The following PHACTR2 variants were observed in gnomAD, a reference collection of about 807,000 sequenced individuals.
PHACTR2 encodes the protein phosphatase and actin regulator 2.
In PHACTR2, 30 loss-of-function variants were observed where a neutral mutation model predicts 76.0. The observed-to-expected ratio is 0.39, with a 90% CI of 0.30 to 0.54. The LOEUF (loss-of-function observed/expected upper bound fraction) is 0.54. PHACTR2 is among the 20% of genes least tolerant of loss of function. PHACTR2 has a pLI of 0.61. For synonymous variants in PHACTR2, 292 were observed against 292.5 expected, an observed-to-expected ratio of 1.00 and a Z score of 0.02; for missense variants, 696 against 781.1, an observed-to-expected ratio of 0.89 and a Z score of 1.30.
At chr6:143,622,959 G>C (rs566274025) in intron 1 of PHACTR2, among the ~76,000 whole-genome samples, 1 of 152,156 alleles carries the variant, frequency 6.6e-6, no homozygotes, top group African/African-American at 2.4e-5. Flanking sequence ...CTAAGTTGAG[G>C]AGTACAAAGA....
Position 143,783,109 on chromosome 6 carries a change from G to GTGTT in PHACTR2, c.1646-107_1646-104dup. On this transcript the variant is annotated intron_variant, in intron 9 of 12. Coordinates refer to ENST00000440869, the MANE Select transcript of PHACTR2 (RefSeq NM_001100164.2). This position sits in a 1 kb window ranked among gnomAD's most constrained non-coding sequence, Gnocchi z 5.2. ...ACAACTTTTTAACAATGTTGGTTGT[G>GTGTT]TGTTTGATCATTATTTGTTAGAGTC... 1 of 648,076 alleles carries GTGTT rather than the reference G, an allele frequency of 1.5e-6. No individual in the cohort carries two copies. The allele number at this position is 648,076 out of a possible 1,614,324, so 40.1% of individuals were successfully genotyped here.
rs1776468798 is a variant in PHACTR2, at chr6:143,823,455, C to T, written c.1923-219C>T. 3.3e-5 allele frequency among the ~76,000 whole-genome samples: 5 copies of T among 152,096 alleles called. No homozygotes were observed. Among genetic ancestry groups the T allele is most frequent in the Admixed American group, 2.6e-4 (4 of 15,286 alleles). ...CTTTTATATAAGGTTTCCTTATATG[C>T]TTATATGTAAACATATATATAAGGA... On this transcript the variant is annotated intron_variant, in intron 12 of 12. Coordinates refer to ENST00000440869, the MANE Select transcript of PHACTR2 (RefSeq NM_001100164.2). This position sits in a 1 kb window ranked among gnomAD's most constrained non-coding sequence, Gnocchi z 5.7.
At chr6:143,667,488 T>G (rs1468111231) in intron 1 of PHACTR2, among the ~76,000 whole-genome samples, 1 of 152,226 alleles carries the variant, frequency 6.6e-6, no homozygotes, top group East Asian at 1.9e-4. Flanking sequence ...TTTATGATAT[T>G]GATTCTTCCT....
intron 1 of PHACTR2, among the ~76,000 whole-genome samples, chr6:143,631,706 T>TCAGTCTG (rs1351164328): frequency 6.6e-6 from 1 of 152,162 alleles, no homozygotes; most frequent in East Asian, 1.9e-4. Context: ...TTGACAAAGT[T>TCAGTCTG]CAGTCTGCAG....
At chr6:143,769,394 A>G (rs1204510400) in intron 6 of PHACTR2, among the ~76,000 whole-genome samples, 1 of 152,190 alleles carries the variant, frequency 6.6e-6, no homozygotes, top group Non-Finnish European at 1.5e-5. Context: ...TGAGTTGATT[A>G]ATACAAATTT....
chr6:143,751,337 T>A lies in PHACTR2; in HGVS notation c.295+2272T>A, dbSNP rs1162357319. On this transcript the variant is annotated intron_variant, in intron 3 of 12. Coordinates refer to ENST00000440869, the MANE Select transcript of PHACTR2 (RefSeq NM_001100164.2). The surrounding 1 kb of genome is among the most constrained non-coding windows in gnomAD (Gnocchi z 5.7). Reference sequence around the variant, plus strand: ...ACCTTCAACCTAAAAGTTCAGTGATTCGTCTTCTCTCCTGGGAAGTCTATG... The same window carrying A: ...ACCTTCAACCTAAAAGTTCAGTGATACGTCTTCTCTCCTGGGAAGTCTATG... 6.6e-6 allele frequency among the ~76,000 whole-genome samples: 1 copy of A among 152,184 alleles called. No homozygotes were observed. The highest frequency in any genetic ancestry group is 2.4e-5 in the African/African-American group (1 of 41,446).
rs1776540033 is a variant in PHACTR2 at position 143,826,826 on chromosome 6, C to G, written c.*3137C>G. The G allele has an allele frequency of 2.0e-5, 3 of 151,992 alleles. No homozygotes were observed. Among genetic ancestry groups the G allele is most frequent in the African/African-American group, 7.3e-5 (3 of 41,350 alleles). 9.4% of individuals were successfully genotyped at this position (151,992 alleles called of 1,614,324 possible). A position where few individuals can be genotyped will look rare whatever the true frequency, so the allele number is the denominator to read the frequency against. ...AATCTGTAATAGAGAACCATTTTGG[C>G]ATTTGAACAGCTATTTTACATGGAG... On this transcript the variant is annotated 3_prime_UTR_variant, in exon 13 of 13. Transcript: ENST00000440869.
Position 143,599,586 on chromosome 6 carries a change from T to C in PHACTR2, c.217+62379T>C, listed in dbSNP as rs1582690992. 1.3e-5 allele frequency among the ~76,000 whole-genome samples: 2 copies of C among 152,298 alleles called. No homozygotes were observed. Among genetic ancestry groups the C allele is most frequent in the Middle Eastern group, 6.8e-3 (2 of 294 alleles). The stretch of plus-strand genomic sequence containing the variant: ...TGTCGTATTACTAAAGAAATGCTTA[T>C]TAATTTAAATTTAAGTCAAGCAGAG... On this transcript the variant is annotated intron_variant, in intron 1 of 11. Transcript: ENST00000367584. The surrounding 1 kb of genome is among the most constrained non-coding windows in gnomAD (Gnocchi z 4.6).
At position 143,608,608 on chromosome 6, in the gene PHACTR2, C is replaced by A. The variant is rs537691556; in HGVS notation, c.13+286C>A. Among the ~76,000 whole-genome samples the A allele has an allele frequency of 1.2e-4, 19 of 152,152 alleles. No homozygotes were observed. The highest frequency in any genetic ancestry group is 4.1e-4 in the African/African-American group (17 of 41,484). ...GTGTTTGATTCTTTTGTGCTCAGAG[C>A]GATGGGTGGAAAATGCATACAGTTA... is the stretch of plus-strand genomic sequence containing the variant. On this transcript the variant is annotated intron_variant, in intron 1 of 11. Transcript: ENST00000305766. The surrounding 1 kb of genome is among the most constrained non-coding windows in gnomAD (Gnocchi z 4.6).
chr6:143,562,765 G>A lies in PHACTR2; in HGVS notation c.217+25558G>A, dbSNP rs1447630648. On this transcript the variant is annotated intron_variant, in intron 1 of 11. Transcript: ENST00000367584. This position sits in a 1 kb window ranked among gnomAD's most constrained non-coding sequence, Gnocchi z 5.1. Reference sequence around the variant, plus strand: ...AGTTATTCCTAAAAGGTAATGAGTAGTTGAATTAACAAAATATGGTATTTA... The same window carrying A: ...AGTTATTCCTAAAAGGTAATGAGTAATTGAATTAACAAAATATGGTATTTA... 6.6e-6 allele frequency among the ~76,000 whole-genome samples: 1 copy of A among 152,214 alleles called. No homozygotes were observed. The highest frequency in any genetic ancestry group is 2.4e-5 in the African/African-American group (1 of 41,452).
chr6:143,809,861 C>T lies in PHACTR2; in HGVS notation c.1922+2728C>T, dbSNP rs112267390. ...ATGCAGTGGCTCAGGCCTGTAATCCCGGCACTTGGGGAGGCCGAGGTGGGC... is the reference window on the plus strand; with the variant it reads ...ATGCAGTGGCTCAGGCCTGTAATCCTGGCACTTGGGGAGGCCGAGGTGGGC... On this transcript the variant is annotated intron_variant, in intron 12 of 12. Coordinates refer to ENST00000440869, the MANE Select transcript of PHACTR2 (RefSeq NM_001100164.2). The surrounding 1 kb of genome is among the most constrained non-coding windows in gnomAD (Gnocchi z 4.2). Among the ~76,000 whole-genome samples the T allele has an allele frequency of 0.1, 15,691 of 152,074 alleles. 1,220 individuals carry two copies. The highest frequency in any genetic ancestry group is 0.22 in the African/African-American group (8,936 of 41,446).
At chr6:143,670,371 G>A (rs141843505) in intron 1 of PHACTR2, among the ~76,000 whole-genome samples, 65 of 152,222 alleles carry the variant, frequency 4.3e-4, no homozygotes, top group African/African-American at 1.4e-3. Flanking sequence ...TGTATTTCCC[G>A]AATTTGAATG....
Position 143,823,830 on chromosome 6 carries a change from G to C in PHACTR2, c.*141G>C, listed in dbSNP as rs569547221. On this transcript the variant is annotated 3_prime_UTR_variant, in exon 13 of 13. Coordinates refer to ENST00000440869, the MANE Select transcript of PHACTR2 (RefSeq NM_001100164.2). The surrounding 1 kb of genome is among the most constrained non-coding windows in gnomAD (Gnocchi z 5.7). ...TGAAGGAAGTGTGTGACTCAGCTTGGCTGGGAAGTGCTCCTCACCTGTGTG... is the reference window on the plus strand; with the variant it reads ...TGAAGGAAGTGTGTGACTCAGCTTGCCTGGGAAGTGCTCCTCACCTGTGTG... 2 of 725,206 alleles carry C rather than the reference G, an allele frequency of 2.8e-6. No homozygotes were observed. Among genetic ancestry groups the C allele is most frequent in the Non-Finnish European group, 4.9e-6 (2 of 407,014 alleles). 44.9% of individuals were successfully genotyped at this position (725,206 alleles called of 1,614,324 possible).
chr6:143,542,463 A>AT (rs1027081760), intron 1 of PHACTR2, among the ~76,000 whole-genome samples: 2 of 152,162 alleles, frequency 1.3e-5, no homozygotes, highest in African/African-American at 4.8e-5. Flanking sequence ...CCTGGGGCTG[A>AT]CACCAGAGAG....
At position 143,712,106 on chromosome 6, in the gene PHACTR2, C is replaced by A; in HGVS notation, c.137C>A (p.Ser46Tyr). 1.3e-6 allele frequency: 2 copies of A among 1,593,760 alleles called. No individual in the cohort carries two copies. Among genetic ancestry groups the A allele is most frequent in the South Asian group, 1.2e-5 (1 of 86,680 alleles). Residue 46 changes from serine to tyrosine, a missense_variant, in exon 2 of 13, where the codon TCC (serine) becomes TAC (tyrosine). Transcript: ENST00000440869. The stretch of plus-strand genomic sequence containing the variant: ...CCCTTCAAAAGAAAGGGGAAACTAT[C>A]CACCATTGGTAAAATCTTTAAGCCT... Reference protein sequence around the residue: ...TPPFKRKGKLSTIGKIFKPWK... With the variant: ...TPPFKRKGKLYTIGKIFKPWK...
rs139398484 is a variant in PHACTR2 at position 143,580,754 on chromosome 6, G to A, written c.217+43547G>A. ...GGCCTCCATAGTGTGGGTGGCTGAA[G>A]GAACGTGAAGATAAATGTCTCTGAA... On this transcript the variant is annotated intron_variant, in intron 1 of 11. Transcript: ENST00000367584. The surrounding 1 kb of genome is among the most constrained non-coding windows in gnomAD (Gnocchi z 4.2). 1.9e-3 allele frequency among the ~76,000 whole-genome samples: 287 copies of A among 152,280 alleles called. No individual in the cohort carries two copies. Among genetic ancestry groups the A allele is most frequent in the African/African-American group, 6.4e-3 (265 of 41,544 alleles).
rs987508900 is a variant in PHACTR2, at chr6:143,751,781, G to A, written c.296-1973G>A. Among the ~76,000 whole-genome samples, 3 of 93,464 alleles carry A rather than the reference G, an allele frequency of 3.2e-5. No individual in the cohort carries two copies. Among genetic ancestry groups the A allele is most frequent in the Non-Finnish European group, 4.9e-5 (2 of 40,546 alleles). The allele number at this position is 93,464 out of a possible 152,430, so 61.3% of individuals were successfully genotyped here. A position where few individuals can be genotyped will look rare whatever the true frequency, so the allele number is the denominator to read the frequency against. ...CTTCTTGCCTTCCTTTGCTCTGCTT[G>A]TATTTTACTTACACACACACACACA... On this transcript the variant is annotated intron_variant, in intron 3 of 12. Coordinates refer to ENST00000440869, the MANE Select transcript of PHACTR2 (RefSeq NM_001100164.2). This position sits in a 1 kb window ranked among gnomAD's most constrained non-coding sequence, Gnocchi z 5.7.
intron 9 of PHACTR2, among the ~76,000 whole-genome samples, chr6:143,778,833 C>T (rs919830301): frequency 5.3e-5 from 8 of 152,090 alleles, no homozygotes; most frequent in African/African-American, 1.9e-4. Flanking sequence ...TTTCTTGATC[C>T]TGTGAGATAA....
At chr6:143,749,881 C>T (rs933307032) in intron 3 of PHACTR2, among the ~76,000 whole-genome samples, 1 of 152,138 alleles carries the variant, frequency 6.6e-6, no homozygotes, top group African/African-American at 2.4e-5. Flanking sequence ...TGATTAAGCT[C>T]ATGCCTCCCT....
Sources: gnomAD v4.1 joint callset for allele counts (sites outside exome capture counted in the v4.1 genomes callset) on GRCh38, gnomAD v4.1.1 for gene constraint, Gnocchi (gnomAD v3.1) non-coding constraint, MANE v1.5 for transcripts, NCBI Gene and HGNC (gene_info 2026-07-23, HGNC 2026-07-21) for gene names.